SS18L1: variants seen among roughly 807,000 people sequenced by gnomAD.
SS18L1 encodes SS18L1 subunit of BAF chromatin remodeling complex.
Under a neutral mutation model 70.3 loss-of-function variants are expected in SS18L1, and 32 were observed. That is an observed-to-expected ratio of 0.46 (90% CI 0.34 to 0.61). The LOEUF is 0.61. Among genes scored for constraint, SS18L1 ranks in the 20% least tolerant of loss-of-function variants. The probability of loss-of-function intolerance (pLI) is 0.01; values close to 1 mark genes in which losing one functional copy is unlikely to be tolerated. For missense variants in SS18L1, 430 were observed against 542.1 expected (o/e 0.79, Z 2.05); for synonymous variants, 237 against 229.7 (o/e 1.03, Z -0.29).
At chr20:62,145,122 G>A (rs950928099) in intron 1 of SS18L1, among the ~76,000 whole-genome samples, 1 of 152,266 alleles carries the variant, frequency 6.6e-6, no homozygotes, top group Non-Finnish European at 1.5e-5. Context: ...CAGAAATACA[G>A]ATTTACAAGT....
chr20:62,164,340 A>C, intron 7 of SS18L1, 94 bp downstream of exon 7: 8 of 1,251,538 alleles, frequency 6.4e-6, no homozygotes, highest in Non-Finnish European at 8.8e-6. Context: ...TGGCCACTGC[A>C]GTGTGTCCTC....
Position 62,174,578 on chromosome 20 carries a change from C to G in SS18L1, c.1098C>G (p.Tyr366Ter). ...PGYQQGQGQQ[Y>*]GSYRAPQTAP... ...ACCAGCAAGGCCAAGGCCAGCAGTA[C>G]GGAAGCTACCGAGCACCGCAGACAG... Residue 366 changes from tyrosine (Y) to a stop codon, truncating the protein, a stop_gained, in exon 10 of 11, where the codon TAC becomes TAG. Transcript: ENST00000331758. LOFTEE classifies it high-confidence loss of function. The surrounding 1 kb of genome is among the most constrained non-coding windows in gnomAD (Gnocchi z 4.1). 6.2e-7 allele frequency: 1 copy of G among 1,613,882 alleles called. No homozygotes were observed. Among genetic ancestry groups the G allele is most frequent in the Non-Finnish European group, 8.5e-7 (1 of 1,180,036 alleles).
chr20:62,153,401 A>G (rs2057168832), intron 1 of SS18L1, among the ~76,000 whole-genome samples: 1 of 152,112 alleles, frequency 6.6e-6, no homozygotes, highest in African/African-American at 2.4e-5. Context: ...TGCCCTTCTC[A>G]AGGCCAAACC....
At chr20:62,156,086 C>G (rs983777390) in intron 1 of SS18L1, among the ~76,000 whole-genome samples, 6 of 152,108 alleles carry the variant, frequency 3.9e-5, no homozygotes, top group Non-Finnish European at 7.4e-5. Context: ...ATAAACCTCG[C>G]GGCACTGCCC....
intron 1 of SS18L1, among the ~76,000 whole-genome samples, chr20:62,157,571 C>A (rs1032073545): frequency 2.0e-5 from 3 of 152,180 alleles, no homozygotes; most frequent in African/African-American, 4.8e-5. Flanking sequence ...GAGCACGTGG[C>A]GCCTGCAGAG....
chr20:62,165,549 A>T, intron 8 of SS18L1, 35 bp downstream of exon 8: 1 of 1,569,938 alleles, frequency 6.4e-7, no homozygotes, highest in Non-Finnish European at 8.7e-7. Flanking sequence ...GCTCGAGCGT[A>T]AGCGCCACAC....
At chr20:62,175,399 G>C in intron 10 of SS18L1, 1 of 985,424 alleles carries the variant, frequency 1.0e-6, no homozygotes, top group East Asian at 1.1e-4. Context: ...TCTGTGTGGT[G>C]GGAGCACTGC....
Position 62,158,534 on chromosome 20 carries a change from G to A in SS18L1, c.70-138G>A. 7.2e-7 allele frequency: 1 copy of A among 1,397,162 alleles called. No individual in the cohort carries two copies. Among genetic ancestry groups the A allele is most frequent in the Non-Finnish European group, 9.6e-7 (1 of 1,041,500 alleles). 86.5% of individuals were successfully genotyped at this position (1,397,162 alleles called of 1,614,324 possible). ...GTCTAATACAGATATCCCCAAATCT[G>A]GAAAAATCTGAAATCTGACACGTTT... is the stretch of plus-strand genomic sequence containing the variant. On this transcript the variant is annotated intron_variant, in intron 1 of 10. Coordinates refer to ENST00000331758, the MANE Select transcript of SS18L1 (RefSeq NM_198935.3). This position sits in a 1 kb window ranked among gnomAD's most constrained non-coding sequence, Gnocchi z 4.5.
At chr20:62,172,086 C>CG (rs1463347828) in intron 8 of SS18L1, among the ~76,000 whole-genome samples, 2,358 of 151,330 alleles carry the variant, frequency 0.016, 43 homozygotes, top group African/African-American at 0.052. Context: ...GGCGTGAACC[C>CG]GGGTGGGGCG....
At chr20:62,145,361 C>T (rs968641068) in intron 1 of SS18L1, among the ~76,000 whole-genome samples, 26 of 152,080 alleles carry the variant, frequency 1.7e-4, no homozygotes, top group African/African-American at 6.0e-4. Context: ...AGCCAGGTGT[C>T]GATCCCATAC....
chr20:62,148,904 T>A (rs2057079516), intron 1 of SS18L1, among the ~76,000 whole-genome samples: 2 of 152,192 alleles, frequency 1.3e-5, no homozygotes, highest in South Asian at 4.1e-4. Flanking sequence ...GGCTGGTGGG[T>A]CTCCAGAGTC....
At chr20:62,175,028 A>C (rs1352239363) in intron 10 of SS18L1, 5 of 772,980 alleles carry the variant, frequency 6.5e-6, no homozygotes, top group Non-Finnish European at 7.9e-6. Context: ...GTGGTCCCAC[A>C]GGGCCAGACT....
chr20:62,174,583 G>A lies in SS18L1; in HGVS notation c.1103G>A (p.Ser368Asn), dbSNP rs758711132. The A allele has an allele frequency of 1.9e-6, 3 of 1,613,862 alleles. No individual in the cohort carries two copies. The highest frequency in any genetic ancestry group is 1.1e-5 in the South Asian group (1 of 91,084). ...YQQGQGQQYGSYRAPQTAPSA... is the reference protein window; with the variant it reads ...YQQGQGQQYGNYRAPQTAPSA... ...CAAGGCCAAGGCCAGCAGTACGGAA[G>A]CTACCGAGCACCGCAGACAGCGCCG... The change falls in exon 10 of 11, where the codon AGC (serine) becomes AAC (asparagine). Residue 368 changes from serine to asparagine, a missense_variant. By Grantham distance (46) the Ser-to-Asn change is conservative. Coordinates refer to ENST00000331758, the MANE Select transcript of SS18L1 (RefSeq NM_198935.3). This position sits in a 1 kb window ranked among gnomAD's most constrained non-coding sequence, Gnocchi z 4.1.
chr20:62,150,833 G>A (rs934627749), intron 1 of SS18L1, among the ~76,000 whole-genome samples: 3 of 150,552 alleles, frequency 2.0e-5, no homozygotes, highest in South Asian at 2.1e-4. Flanking sequence ...GTGGAGCAGC[G>A]GGAGCGAAAC....
chr20:62,161,001 A>C lies in SS18L1; in HGVS notation c.232-435A>C, dbSNP rs2057319004. Among the ~76,000 whole-genome samples, 1 of 151,928 alleles carries C rather than the reference A, an allele frequency of 6.6e-6. No individual in the cohort carries two copies. Among genetic ancestry groups the C allele is most frequent in the Admixed American group, 6.6e-5 (1 of 15,228 alleles). On this transcript the variant is annotated intron_variant, in intron 3 of 10. Transcript: ENST00000331758. The surrounding 1 kb of genome is among the most constrained non-coding windows in gnomAD (Gnocchi z 4.4). ...TAGTCGGGGAAGGGGCACATGCAGC[A>C]GGAGCACGGGAAACAGGAGAGGGAT... is the stretch of plus-strand genomic sequence containing the variant.
At chr20:62,151,486 A>G (rs1478517001) in intron 1 of SS18L1, among the ~76,000 whole-genome samples, 1 of 152,088 alleles carries the variant, frequency 6.6e-6, no homozygotes, top group East Asian at 1.9e-4. Flanking sequence ...CAACAGAGAC[A>G]CGTTGGGGCC....
Position 62,158,413 on chromosome 20 carries a change from C to G in SS18L1, c.70-259C>G, listed in dbSNP as rs959570643. ...CTGGAAATTTGAAGTGCTCCAAAATCCAGAACCTTTTGAGCACCAACATGA... is the reference window on the plus strand; with the variant it reads ...CTGGAAATTTGAAGTGCTCCAAAATGCAGAACCTTTTGAGCACCAACATGA... On this transcript the variant is annotated intron_variant, in intron 1 of 10. Transcript: ENST00000331758. This position sits in a 1 kb window ranked among gnomAD's most constrained non-coding sequence, Gnocchi z 4.5. 2.0e-5 allele frequency among the ~76,000 whole-genome samples: 3 copies of G among 151,348 alleles called. No homozygotes were observed. Among genetic ancestry groups the G allele is most frequent in the African/African-American group, 7.3e-5 (3 of 41,114 alleles).
chr20:62,181,817 G>C lies in SS18L1; in HGVS notation c.*2609G>C, dbSNP rs945549334. On this transcript the variant is annotated 3_prime_UTR_variant, in exon 11 of 11. Coordinates refer to ENST00000331758, the MANE Select transcript of SS18L1 (RefSeq NM_198935.3). ...GCTTAGGCCAACATGAATTGTTTGT[G>C]AAGTGTGGTTGATGGTGCTTTGTTT... The C allele has an allele frequency of 8.8e-6, 2 of 227,550 alleles. No homozygotes were observed. The highest frequency in any genetic ancestry group is 1.3e-4 in the East Asian group (2 of 15,772). 14.1% of individuals were successfully genotyped at this position (227,550 alleles called of 1,614,324 possible).
intron 1 of SS18L1, among the ~76,000 whole-genome samples, chr20:62,149,855 A>G (rs1408160990): frequency 1.3e-5 from 2 of 152,240 alleles, no homozygotes; most frequent in Admixed American, 1.3e-4. Context: ...AAGAAAAAGC[A>G]GTGTCAGCAC....
Sources: allele counts gnomAD v4.1 joint callset (sites outside exome capture counted in the v4.1 genomes callset), GRCh38; gene constraint gnomAD v4.1.1; non-coding constraint Gnocchi (gnomAD v3.1); transcripts MANE v1.5; gene names NCBI Gene and HGNC (gene_info 2026-07-23, HGNC 2026-07-21).